Variants in DET1 observed in about 807,000 individuals in gnomAD.
The protein encoded by DET1 is DET1 homolog.
Under a neutral mutation model 43.7 loss-of-function variants are expected in DET1, and 22 were observed. That is an observed-to-expected ratio of 0.50 (90% CI 0.36 to 0.72). DET1 has a LOEUF of 0.72. Ranked by LOEUF, DET1 falls within the 30% of genes least tolerant of loss-of-function variation. The pLI, the probability that DET1 is intolerant of heterozygous loss-of-function variation, is 0.00. For synonymous variants in DET1, 315 were observed against 266.2 expected, an observed-to-expected ratio of 1.18 and a Z score of -1.79; for missense variants, 713 against 713.3, an observed-to-expected ratio of 1.00 and a Z score of 0.00.
Position 88,531,578 on chromosome 15 carries a change from T to G in DET1, c.128A>C (p.His43Pro). The change falls in exon 2 of 5, where the codon CAT (histidine) becomes CCT (proline). Residue 43 changes from histidine (H) to proline (P), a missense_variant. Coordinates refer to ENST00000268148, the MANE Select transcript of DET1 (RefSeq NM_001144074.3). The surrounding 1 kb of genome is among the most constrained non-coding windows in gnomAD (Gnocchi z 6.2). Reference protein sequence around the residue: ...GTHWHQVRVFHQNVFPNFTVV... With the variant: ...GTHWHQVRVFPQNVFPNFTVV... ...TGTGAAGTTGGGGAAGACATTCTGA[T>G]GGAACACTCGGACTTGGTGCCAGTG... 6.2e-7 allele frequency: 1 copy of G among 1,614,028 alleles called. No individual in the cohort carries two copies. Among genetic ancestry groups the G allele is most frequent in the Non-Finnish European group, 8.5e-7 (1 of 1,179,886 alleles).
intron 3 of DET1, among the ~76,000 whole-genome samples, chr15:88,521,794 T>C (rs2056496442): frequency 6.6e-6 from 1 of 152,110 alleles, no homozygotes; most frequent in Non-Finnish European, 1.5e-5. Context: ...GTGAAATGTA[T>C]GTTCTTTCTC....
rs1454475963 is a variant in DET1 at position 88,527,710 on chromosome 15, A to C, written c.1160T>G (p.Leu387Trp). ...AVFENTSDEL[L>W]ELFENFCDLF... is the part of the protein sequence containing the mutation. ...GTCACAGAAGTTCTCAAAGAGCTCC[A>C]AAAGCTCATCTGATGTATTCTCAAA... The change falls in exon 3 of 5, where the codon TTG becomes TGG. Residue 387 changes from leucine (L) to tryptophan (W), a missense_variant. By Grantham distance (61) the Leu-to-Trp change is moderately conservative (BLOSUM62 -2). Coordinates refer to ENST00000268148, the MANE Select transcript of DET1 (RefSeq NM_001144074.3). The C allele has an allele frequency of 2.5e-6, 4 of 1,613,832 alleles. No homozygotes were observed. In the South Asian group the frequency reaches 3.3e-5, roughly 13 times the overall value.
At position 88,530,960 on chromosome 15, in the gene DET1, G is replaced by A. The variant is rs564333901; in HGVS notation, c.746C>T (p.Thr249Ile). The A allele has an allele frequency of 1.8e-5, 29 of 1,613,918 alleles. No homozygotes were observed. Among genetic ancestry groups the A allele is most frequent in the Non-Finnish European group, 2.3e-5 (27 of 1,179,906 alleles). ...IHVFQVTPEG[T>I]FIDVRTIGRF... ...GCCAATGGTCCGCACATCAATGAAA[G>A]TGCCTTCAGGAGTCACCTGGAAGAC... Residue 249 changes from threonine to isoleucine, a missense_variant, in exon 2 of 5, where the codon ACT (threonine) becomes ATT (isoleucine). Coordinates refer to ENST00000268148, the MANE Select transcript of DET1 (RefSeq NM_001144074.3).
At position 88,527,648 on chromosome 15, in the gene DET1, A is replaced by C; in HGVS notation, c.1222T>G (p.Phe408Val). The stretch of plus-strand genomic sequence containing the variant: ...TTGTTGCTAGAAGCTGAGCAGGGAA[A>C]CTGAACTTCACTGTGCAGGGTAGCA... The part of the protein sequence containing the change: ...RNATLHSEVQ[F>V]PCSASSNNFA... Residue 408 changes from phenylalanine to valine, a missense_variant, in exon 3 of 5, where the codon TTT becomes GTT. Coordinates refer to ENST00000268148, the MANE Select transcript of DET1 (RefSeq NM_001144074.3). 6.2e-7 allele frequency: 1 copy of C among 1,612,042 alleles called. No homozygotes were observed. The highest frequency in any genetic ancestry group is 1.1e-5 in the South Asian group (1 of 90,722).
chr15:88,516,142 A>AC lies in DET1; in HGVS notation c.1463+639dup, dbSNP rs1180318672. On this transcript the variant is annotated intron_variant, in intron 4 of 4. Transcript: ENST00000268148. This position sits in a 1 kb window ranked among gnomAD's most constrained non-coding sequence, Gnocchi z 4.4. ...CTCCAGCCTATAGCCTCAGGAACAC[A>AC]CCCCCCTTGAGATAACTCCACTAGT... Among the ~76,000 whole-genome samples, 1 of 151,968 alleles carries AC rather than the reference A, an allele frequency of 6.6e-6. No individual in the cohort carries two copies. The highest frequency in any genetic ancestry group is 6.6e-5 in the Admixed American group (1 of 15,262).
intron 1 of DET1, among the ~76,000 whole-genome samples, chr15:88,542,128 C>A (rs1320516108): frequency 6.6e-6 from 1 of 152,186 alleles, no homozygotes; most frequent in Non-Finnish European, 1.5e-5. Flanking sequence ...GACCCATCGA[C>A]CCACCTAGGA....
At chr15:88,527,893 AAACAACAACAACAAC>A in intron 2 of DET1, 107 bp from the exon 3 acceptor site, 1 of 460,860 alleles carries the variant, frequency 2.2e-6, no homozygotes. Context: ...AATTTTCCAA[AAACAACAACAACAAC>A]AACAACAACA....
intron 1 of DET1, among the ~76,000 whole-genome samples, chr15:88,541,985 G>A (rs2057120411): frequency 1.3e-5 from 2 of 152,094 alleles, no homozygotes; most frequent in Admixed American, 6.5e-5. Context: ...GTTCCTCCAG[G>A]TGATGAGCGC....
At chr15:88,527,571 G>C (rs780509845) in intron 3 of DET1, 28 bp downstream of exon 3, 20 of 1,544,766 alleles carry the variant, frequency 1.3e-5, no homozygotes, top group Non-Finnish European at 1.7e-6. Context: ...CTAAAGAAAA[G>C]ACTGTTGAGT....
chr15:88,538,154 T>C (rs2057000432), intron 1 of DET1, among the ~76,000 whole-genome samples: 1 of 152,070 alleles, frequency 6.6e-6, no homozygotes, highest in Admixed American at 6.6e-5. Flanking sequence ...AAACTGGTTT[T>C]TACTAACTCT....
chr15:88,513,619 TGAG>T, intron 4 of DET1, among the ~76,000 whole-genome samples: 1 of 144,020 alleles, frequency 6.9e-6, no homozygotes, highest in African/African-American at 2.6e-5. Flanking sequence ...AAACTATTAG[TGAG>T]TTTTTTTTTT....
chr15:88,517,106 G>T, intron 3 of DET1, 133 bp from the exon 4 acceptor site: 1 of 652,674 alleles, frequency 1.5e-6, no homozygotes, highest in Non-Finnish European at 2.5e-6. Context: ...AATGAATTAA[G>T]ATAGAACTGT....
At chr15:88,530,266 CA>C (rs1160238275) in intron 2 of DET1, among the ~76,000 whole-genome samples, 1 of 152,166 alleles carries the variant, frequency 6.6e-6, no homozygotes, top group East Asian at 1.9e-4. Flanking sequence ...CTAAAACAGC[CA>C]GACCAATAAT....
Position 88,513,093 on chromosome 15 carries a change from C to A in DET1, c.1511G>T (p.Gly504Val), listed in dbSNP as rs1322519967. ...SGLLKFEIQA[G>V]LLGRPINHTV... ...GTGGTTGATGGGGCGGCCCAATAAC[C>A]CCGCCTGGATCTCAAACTTGAGCAG... is the stretch of plus-strand genomic sequence containing the variant. Residue 504 changes from glycine (G) to valine (V), a missense_variant, in exon 5 of 5, where the codon GGG becomes GTG. Gly to Val is a moderately radical substitution (Grantham distance 109, BLOSUM62 -3). Coordinates refer to ENST00000268148, the MANE Select transcript of DET1 (RefSeq NM_001144074.3). 3 of 1,613,890 alleles carry A rather than the reference C, an allele frequency of 1.9e-6. No individual in the cohort carries two copies. Among genetic ancestry groups the A allele is most frequent in the Non-Finnish European group, 2.5e-6 (3 of 1,179,838 alleles).
intron 3 of DET1, among the ~76,000 whole-genome samples, chr15:88,524,173 G>A (rs561113637): frequency 1.4e-4 from 21 of 150,098 alleles, no homozygotes; most frequent in South Asian, 1.1e-3. Flanking sequence ...CCGCGACCCC[G>A]TCTGGGAACT....
downstream of DET1, chr15:88,512,470 A>G (rs1319844133): frequency 1.0e-6 from 1 of 986,564 alleles, no homozygotes; most frequent in African/African-American, 1.7e-5. Context: ...CAGTCATCCA[A>G]CCACATATAT....
chr15:88,544,614 T>C (rs145819896), intron 1 of DET1, among the ~76,000 whole-genome samples: 8 of 152,302 alleles, frequency 5.3e-5, no homozygotes, highest in African/African-American at 1.9e-4. Context: ...GACTCACTCC[T>C]GCTTTGAAAA....
chr15:88,532,148 T>A (rs930847804), intron 1 of DET1, among the ~76,000 whole-genome samples: 1 of 152,004 alleles, frequency 6.6e-6, no homozygotes, highest in Admixed American at 6.5e-5. Flanking sequence ...CAAAAAAATA[T>A]AAAAATTAGC....
chr15:88,523,315 T>C (rs528532353), intron 3 of DET1, among the ~76,000 whole-genome samples: 8 of 152,290 alleles, frequency 5.3e-5, no homozygotes, highest in East Asian at 3.9e-4. Context: ...GGGTCCCAAT[T>C]TCATTGATTT....
Sources: allele counts gnomAD v4.1 joint callset (sites outside exome capture counted in the v4.1 genomes callset), GRCh38; gene constraint gnomAD v4.1.1; non-coding constraint Gnocchi (gnomAD v3.1); transcripts MANE v1.5; gene names NCBI Gene and HGNC (gene_info 2026-07-23, HGNC 2026-07-21).